Variants in COL4A6 observed in about 807,000 individuals in gnomAD.
The protein encoded by COL4A6 is collagen alpha-6(IV) chain.
A neutral mutation model predicts 126.7 loss-of-function variants in COL4A6; 59 were observed. The observed-to-expected ratio is 0.47, with a 90% CI of 0.38 to 0.58. The LOEUF (loss-of-function observed/expected upper bound fraction) is 0.58, where lower values mean the gene tolerates loss of function less well. Ranked by LOEUF, COL4A6 falls within the 20% of genes least tolerant of loss-of-function variation. COL4A6 has a pLI of 0.00. For missense variants in COL4A6, 1,285 were observed against 1,337.3 expected (o/e 0.96, Z 0.61); for synonymous variants, 547 against 496.6 (o/e 1.10, Z -1.35).
intron 2 of COL4A6, among the ~76,000 whole-genome samples, chrX:108,427,279 T>C (rs2064103423): frequency 8.9e-6 from 1 of 111,833 alleles, no homozygotes; most frequent in Non-Finnish European, 1.9e-5. Flanking sequence ...CTACAGTGGC[T>C]TAGTGCTTGA....
chrX:108,173,422 G>A (rs182053576), intron 31 of COL4A6, among the ~76,000 whole-genome samples: 1 of 111,016 alleles, frequency 9.0e-6, no homozygotes, highest in Admixed American at 9.6e-5. Context: ...AAGTAGTCAG[G>A]ACTATCCAGT....
chrX:108,397,323 A>G (rs753784462), intron 2 of COL4A6, among the ~76,000 whole-genome samples: 1 of 111,588 alleles, frequency 9.0e-6, no homozygotes, highest in African/African-American at 3.3e-5. Flanking sequence ...CTGTTCTTTG[A>G]GGCCTTCCTC....
chrX:108,317,500 C>T (rs2038909749), intron 2 of COL4A6, among the ~76,000 whole-genome samples: 1 of 112,172 alleles, frequency 8.9e-6, no homozygotes, highest in Admixed American at 9.4e-5. Context: ...TGATTTCTCA[C>T]TTTTGTCATA....
chrX:108,404,535 T>G lies in COL4A6; in HGVS notation c.63+33407A>C, dbSNP rs190913110. Among the ~76,000 whole-genome samples the G allele has an allele frequency of 4.0e-3, 445 of 112,110 alleles. 2 individuals are homozygous for G. The highest frequency in any genetic ancestry group is 0.013 in the African/African-American group (411 of 30,946). On this transcript the variant is annotated intron_variant, in intron 2 of 44. Coordinates refer to ENST00000334504, the MANE Select transcript of COL4A6 (RefSeq NM_033641.4). Reference sequence around the variant, plus strand: ...TAGGAATGCTAATTTTCAATTCACCTCATGTGTTATATGTGATCAGTGATA... The same window carrying G: ...TAGGAATGCTAATTTTCAATTCACCGCATGTGTTATATGTGATCAGTGATA...
intron 2 of COL4A6, among the ~76,000 whole-genome samples, chrX:108,378,319 GAT>G (rs2040488937): frequency 9.0e-6 from 1 of 111,261 alleles, no homozygotes; most frequent in East Asian, 2.8e-4. Context: ...CAGAACCTTT[GAT>G]ATGTTAATAC....
At chrX:108,354,171 T>A (rs2148043164) in intron 2 of COL4A6, among the ~76,000 whole-genome samples, 1 of 109,663 alleles carries the variant, frequency 9.1e-6, no homozygotes, top group Non-Finnish European at 1.9e-5. Flanking sequence ...AAAAAAAAAA[T>A]AAGTGACGCT....
At chrX:108,277,142 A>T (rs2147785349) in intron 3 of COL4A6, among the ~76,000 whole-genome samples, 1 of 111,637 alleles carries the variant, frequency 9.0e-6, no homozygotes, top group East Asian at 2.9e-4. Context: ...AGTGCCAGAC[A>T]GTGGGCGCAG....
rs2041422242 is a variant in COL4A6 at position 108,415,728 on chromosome X, A to G, written c.63+22214T>C. On this transcript the variant is annotated intron_variant, in intron 2 of 44. Coordinates refer to ENST00000334504, the MANE Select transcript of COL4A6 (RefSeq NM_033641.4). ...TTCAATTTACTAGTTGCAAAAAGCAACTCTTACTATGAATTATTCATTGCT... is the reference window on the plus strand; with the variant it reads ...TTCAATTTACTAGTTGCAAAAAGCAGCTCTTACTATGAATTATTCATTGCT... Among the ~76,000 whole-genome samples, 5 of 112,016 alleles carry G rather than the reference A, an allele frequency of 4.5e-5. No individual in the cohort carries two copies. The South Asian group carries it at 1.9e-3, about 42-fold the overall frequency.
chrX:108,177,704 G>A (rs908914735), intron 27 of COL4A6, among the ~76,000 whole-genome samples: 7 of 112,220 alleles, frequency 6.2e-5, no homozygotes, highest in African/African-American at 1.9e-4. Context: ...ATTAAAAAAC[G>A]AAAGGATTAA....
In COL4A6 at chrX:108,176,871, C is replaced by T. The variant is rs138246637; in HGVS notation, c.2656G>A (p.Ala886Thr). Residue 886 changes from alanine to threonine, a missense_variant, in exon 28 of 45, where the codon GCT (alanine) becomes ACT (threonine). Ala to Thr is a moderately conservative substitution (Grantham distance 58). Transcript: ENST00000334504. ...LKGSPGSPGV[A>T]GLPALSGPKG... Reference sequence around the variant, plus strand: ...GGTCCAGAGAGGGCTGGCAACCCAGCGACCCCTGGAGAGCCTGGGCTTCCT... The same window carrying T: ...GGTCCAGAGAGGGCTGGCAACCCAGTGACCCCTGGAGAGCCTGGGCTTCCT... The T allele has an allele frequency of 1.2e-5, 14 of 1,208,221 alleles. No homozygotes were observed. The highest frequency in any genetic ancestry group is 7.0e-5 in the African/African-American group (4 of 57,474).
chrX:108,336,514 C>G (rs1394095196), intron 2 of COL4A6, among the ~76,000 whole-genome samples: 1 of 110,980 alleles, frequency 9.0e-6, no homozygotes, highest in Non-Finnish European at 1.9e-5. Context: ...TTAATGGGTA[C>G]AGGGTTCCCA....
intron 3 of COL4A6, among the ~76,000 whole-genome samples, chrX:108,231,664 C>T (rs903975874): frequency 9.0e-6 from 1 of 111,628 alleles, no homozygotes; most frequent in Non-Finnish European, 1.9e-5. Flanking sequence ...CACCAAGCTA[C>T]ACTGTCTCTG....
intron 2 of COL4A6, among the ~76,000 whole-genome samples, chrX:108,408,325 A>G: frequency 2.3e-5 from 2 of 88,469 alleles, no homozygotes; most frequent in Admixed American, 2.4e-4. Flanking sequence ...CTTGTTTCAG[A>G]AAAGAAAGAG....
At chrX:108,427,273 A>G (rs1217006902) in intron 2 of COL4A6, among the ~76,000 whole-genome samples, 1 of 111,826 alleles carries the variant, frequency 8.9e-6, no homozygotes, top group African/African-American at 3.3e-5. Context: ...CTCTGGCTAC[A>G]GTGGCTTAGT....
Position 108,432,247 on chromosome X carries a change from G to T in COL4A6, c.63+5695C>A, listed in dbSNP as rs556134295. ...TCAACTACTTATAACTGTCATACAA[G>T]TGTGACTGTCACTAGTATATACTAA... On this transcript the variant is annotated intron_variant, in intron 2 of 44. Transcript: ENST00000334504. Among the ~76,000 whole-genome samples, 3 of 112,047 alleles carry T rather than the reference G, an allele frequency of 2.7e-5. No homozygotes were observed. The South Asian group carries it at 1.1e-3, about 42-fold the overall frequency.
chrX:108,164,646 A>C lies in COL4A6; in HGVS notation c.4023T>G (p.Pro1341=). 3 of 1,211,444 alleles carry C rather than the reference A, an allele frequency of 2.5e-6. No individual in the cohort carries two copies. Among genetic ancestry groups the C allele is most frequent in the Non-Finnish European group, 3.4e-6 (3 of 895,348 alleles). The change falls in exon 40 of 45, where the codon CCT becomes CCG. Residue 1341 remains proline (P), a synonymous_variant. Coordinates refer to ENST00000334504, the MANE Select transcript of COL4A6 (RefSeq NM_033641.4). ...TCATTCCGGGAAATCCTGGGTCTCCAGGTGGCCCAACCTTGCCTGGAGTCC... is the reference window on the plus strand; with the variant it reads ...TCATTCCGGGAAATCCTGGGTCTCCCGGTGGCCCAACCTTGCCTGGAGTCC... ...FMGTPGKVGP[P]GDPGFPGMKG...
Position 108,420,130 on chromosome X carries a change from C to T in COL4A6, c.63+17812G>A, listed in dbSNP as rs769620938. 6.3e-5 allele frequency among the ~76,000 whole-genome samples: 7 copies of T among 111,728 alleles called. No individual in the cohort carries two copies. In the South Asian group the frequency reaches 2.3e-3, roughly 36 times the overall value. On this transcript the variant is annotated intron_variant, in intron 2 of 44. Coordinates refer to ENST00000334504, the MANE Select transcript of COL4A6 (RefSeq NM_033641.4). ...GGCTGCTCACTGAACATTTTCAGCT[C>T]TCCACCTTCAGGGCACATGGTAGGA... is the stretch of plus-strand genomic sequence containing the variant.
chrX:108,420,787 C>T (rs1254137832), intron 2 of COL4A6, among the ~76,000 whole-genome samples: 1 of 111,650 alleles, frequency 9.0e-6, no homozygotes, highest in Non-Finnish European at 1.9e-5. Context: ...TTCAATGGTC[C>T]ATCCAGAATA....
rs755288950 is a variant in COL4A6 at position 108,204,405 on chromosome X, A to C, written c.695T>G (p.Val232Gly). Reference sequence around the variant, plus strand: ...AGGTCCTGCTGGGCCAGGGAGGCCAACATCCCCCTGTAAGATCAAATGGAA... The same window carrying C: ...AGGTCCTGCTGGGCCAGGGAGGCCACCATCCCCCTGTAAGATCAAATGGAA... ...FQGEKGVKGD[V>G]GLPGPAGPPP... The change falls in exon 12 of 45, where the codon GTT becomes GGT. Residue 232 changes from valine (V) to glycine (G), a missense_variant. By Grantham distance (109) the Val-to-Gly change is moderately radical (BLOSUM62 -3). Coordinates refer to ENST00000334504, the MANE Select transcript of COL4A6 (RefSeq NM_033641.4). The C allele has an allele frequency of 8.3e-6, 10 of 1,200,356 alleles. No homozygotes were observed. Among genetic ancestry groups the C allele is most frequent in the Non-Finnish European group, 1.1e-5 (10 of 888,288 alleles).
Sources: gnomAD v4.1 joint callset for allele counts (sites outside exome capture counted in the v4.1 genomes callset) on GRCh38, gnomAD v4.1.1 for gene constraint, MANE v1.5 for transcripts, NCBI Gene and HGNC (gene_info 2026-07-23, HGNC 2026-07-21) for gene names.